The following ABCA13 variants were observed in gnomAD, a reference collection of about 807,000 sequenced individuals.
ABCA13 encodes ATP-binding cassette sub-family A member 13.
A neutral mutation model predicts 478.7 loss-of-function variants in ABCA13; 476 were observed. That is an observed-to-expected ratio of 0.99 (90% CI 0.92 to 1.07). The LOEUF is 1.07. ABCA13 is among the 50% of genes least tolerant of loss of function. ABCA13 has a pLI of 0.00. For synonymous variants in ABCA13, 2,252 were observed against 2,158.9 expected (o/e 1.04, Z -1.20); for missense variants, 6,060 against 5,910.6 (o/e 1.03, Z -0.83).
Position 48,552,637 on chromosome 7 carries a change from G to A in ABCA13, c.14354+24292G>A, listed in dbSNP as rs548630450. On this transcript the variant is annotated intron_variant, in intron 55 of 61. Transcript: ENST00000435803. ...AAATATGTATTGACAAATTATAATTGTATATATTTACGGGGTACAAAGTAA... is the reference window on the plus strand; with the variant it reads ...AAATATGTATTGACAAATTATAATTATATATATTTACGGGGTACAAAGTAA... 9.5e-5 allele frequency among the ~76,000 whole-genome samples: 14 copies of A among 146,622 alleles called. 1 individual carries two copies. Among genetic ancestry groups the A allele is most frequent in the Admixed American group, 8.3e-4 (12 of 14,528 alleles).
intron 2 of ABCA13, among the ~76,000 whole-genome samples, chr7:48,197,701 T>C (rs1045333628): frequency 3.3e-5 from 5 of 151,452 alleles, no homozygotes; most frequent in Non-Finnish European, 7.4e-5. Flanking sequence ...TCCATAGAGG[T>C]GGCTATTTTG....
chr7:48,266,863 A>G (rs1181275489), intron 15 of ABCA13, among the ~76,000 whole-genome samples: 1 of 151,940 alleles, frequency 6.6e-6, no homozygotes, highest in Non-Finnish European at 1.5e-5. Context: ...GGCATCCCAC[A>G]AATACTGGCA....
rs1554513958 is a variant in ABCA13 at position 48,438,899 on chromosome 7, T to TTTTTTTTA, written c.12565+11028_12565+11029insTTTTTTTA. Among the ~76,000 whole-genome samples, 304 of 150,530 alleles carry TTTTTTTTA rather than the reference T, an allele frequency of 2.0e-3. 2 individuals are homozygous for TTTTTTTTA. Among genetic ancestry groups the TTTTTTTTA allele is most frequent in the African/African-American group, 4.2e-3 (173 of 40,828 alleles). On this transcript the variant is annotated intron_variant, in intron 42 of 61. Coordinates refer to ENST00000435803, the MANE Select transcript of ABCA13 (RefSeq NM_152701.5). ...TTTTGCTAAGGTTTTTTTTTTTTTTTAAAAAACTAATGATCTAACCAAGGA... is the reference window on the plus strand; with the variant it reads ...TTTTGCTAAGGTTTTTTTTTTTTTTTTTTTTTTAAAAAAACTAATGATCTAACCAAGGA...
intron 15 of ABCA13, among the ~76,000 whole-genome samples, chr7:48,268,305 C>A (rs949311267): frequency 2.0e-5 from 3 of 151,954 alleles, no homozygotes; most frequent in Non-Finnish European, 4.4e-5. Context: ...CACAGGCGCC[C>A]ACCACCACAC....
In ABCA13 at chr7:48,271,895, A is replaced by G. The variant is rs572875980; in HGVS notation, c.2229A>G (p.Leu743=). 6.8e-6 allele frequency: 11 copies of G among 1,612,750 alleles called. No individual in the cohort carries two copies. The South Asian group carries it at 1.2e-4, about 18-fold the overall frequency. Residue 743 remains leucine (L), a synonymous_variant, in exon 17 of 62, where the codon TTA becomes TTG. Coordinates refer to ENST00000435803, the MANE Select transcript of ABCA13 (RefSeq NM_152701.5). ...LLSFVEFFEK[L]LLPNLFDSSI... ...CATTTGTGGAATTTTTTGAGAAATT[A>G]TTGTTGCCTAATCTTTTTGACTCCT...
intron 55 of ABCA13, among the ~76,000 whole-genome samples, chr7:48,552,048 A>G (rs1226134981): frequency 6.6e-6 from 1 of 151,902 alleles, no homozygotes; most frequent in Admixed American, 6.6e-5. Flanking sequence ...ATCAAGGCTT[A>G]GTAGTATTTT....
intron 32 of ABCA13, among the ~76,000 whole-genome samples, chr7:48,371,425 T>A (rs1162299731): frequency 1.3e-5 from 2 of 152,152 alleles, no homozygotes; most frequent in Non-Finnish European, 2.9e-5. Context: ...ATGGAATGTT[T>A]TTCTATTTGT....
rs988036542 is a variant in ABCA13, at chr7:48,239,339, C to T, written c.996C>T (p.His332=). 1 of 1,613,932 alleles carries T rather than the reference C, an allele frequency of 6.2e-7. No individual in the cohort carries two copies. ...AEKWGHVGGC[H]PKWSEAKNYL... is the part of the protein sequence containing the mutation. Reference sequence around the variant, plus strand: ...AATGGGGCCACGTTGGAGGCTGCCACCCTAAGTGGTCAGAAGCCAAAAACT... The same window carrying T: ...AATGGGGCCACGTTGGAGGCTGCCATCCTAAGTGGTCAGAAGCCAAAAACT... The change falls in exon 9 of 62, where the codon CAC becomes CAT. Residue 332 remains histidine, a synonymous_variant. Coordinates refer to ENST00000435803, the MANE Select transcript of ABCA13 (RefSeq NM_152701.5).
chr7:48,438,610 GA>G (rs1394214603), intron 42 of ABCA13, among the ~76,000 whole-genome samples: 1 of 143,426 alleles, frequency 7.0e-6, no homozygotes, highest in Non-Finnish European at 1.5e-5. Context: ...AGCTTTTCTT[GA>G]CTTTTGCTAC....
chr7:48,176,483 C>G (rs1186787991), intron 1 of ABCA13, among the ~76,000 whole-genome samples: 2 of 152,180 alleles, frequency 1.3e-5, no homozygotes, highest in African/African-American at 4.8e-5. Flanking sequence ...ATCCAGATGT[C>G]TACCATACAT....
At chr7:48,606,211 C>T (rs1319888886) in intron 58 of ABCA13, among the ~76,000 whole-genome samples, 1 of 152,206 alleles carries the variant, frequency 6.6e-6, no homozygotes, top group Non-Finnish European at 1.5e-5. Flanking sequence ...AAGCCTACTT[C>T]TGTCCGTTCG....
chr7:48,188,622 C>T lies in ABCA13; in HGVS notation c.70-4337C>T, dbSNP rs138244256. Among the ~76,000 whole-genome samples the T allele has an allele frequency of 2.4e-3, 361 of 151,954 alleles. 2 individuals are homozygous for T. The highest frequency in any genetic ancestry group is 4.0e-3 in the Non-Finnish European group (272 of 67,984). On this transcript the variant is annotated intron_variant, in intron 1 of 61. Transcript: ENST00000435803. ...TAGGCAAATACAAGTTTATTCCTGC[C>T]TCCTCTAATTTATTTTCTTTTCTCT...
At position 48,511,069 on chromosome 7, in the gene ABCA13, T is replaced by C. The variant is rs761349645; in HGVS notation, c.13525-15T>C. 6.2e-7 allele frequency: 1 copy of C among 1,603,930 alleles called. No homozygotes were observed. The highest frequency in any genetic ancestry group is 1.1e-5 in the South Asian group (1 of 90,804). ...TGATGTAACAGCTCTCCCTTATTTC[T>C]TTTTATCTTCTCAGCTCTTTTACTT... On this transcript the variant is annotated splice_polypyrimidine_tract_variant and intron_variant, in intron 50 of 61. Transcript: ENST00000435803.
intron 41 of ABCA13, among the ~76,000 whole-genome samples, chr7:48,414,274 G>A (rs1039970909): frequency 7.2e-5 from 11 of 151,878 alleles, no homozygotes; most frequent in African/African-American, 2.4e-4. Context: ...CTCCCCACCC[G>A]CCCTCACTGC....
intron 38 of ABCA13, among the ~76,000 whole-genome samples, chr7:48,392,922 G>T (rs544506490): frequency 6.6e-6 from 1 of 152,232 alleles, no homozygotes; most frequent in Non-Finnish European, 1.5e-5. Context: ...TAGGACATTG[G>T]TTGGTCCACA....
At chr7:48,189,556 C>T (rs1336916764) in intron 1 of ABCA13, among the ~76,000 whole-genome samples, 3 of 152,158 alleles carry the variant, frequency 2.0e-5, no homozygotes, top group African/African-American at 7.2e-5. Context: ...GTTATTATTT[C>T]AAGATGCTTA....
chr7:48,384,279 T>A (rs1464810187), intron 35 of ABCA13, among the ~76,000 whole-genome samples: 2 of 152,236 alleles, frequency 1.3e-5, no homozygotes, highest in African/African-American at 2.4e-5. Context: ...ATTGTTCACG[T>A]ATGTGTCAAC....
chr7:48,238,543 A>G (rs1019984500), intron 8 of ABCA13, among the ~76,000 whole-genome samples: 2 of 150,454 alleles, frequency 1.3e-5, no homozygotes, highest in African/African-American at 4.9e-5. Flanking sequence ...ATCTCCGCTC[A>G]CTGCAAGCTC....
chr7:48,367,551 T>C (rs913435447), intron 31 of ABCA13, among the ~76,000 whole-genome samples: 6 of 152,168 alleles, frequency 3.9e-5, no homozygotes, highest in African/African-American at 1.4e-4. Context: ...GTATTGTGGT[T>C]GGGCTATGGC....
Sources: gnomAD v4.1 joint callset for allele counts (sites outside exome capture counted in the v4.1 genomes callset) on GRCh38, gnomAD v4.1.1 for gene constraint, MANE v1.5 for transcripts, NCBI Gene and HGNC (gene_info 2026-07-23, HGNC 2026-07-21) for gene names.